Variants in WARS2 observed in about 807,000 individuals in gnomAD.
WARS2 encodes tryptophanyl tRNA synthetase 2, mitochondrial.
In WARS2, 28 loss-of-function variants were observed where a neutral mutation model predicts 36.5. The observed-to-expected ratio is 0.77, with a 90% CI of 0.57 to 1.05. WARS2 has a LOEUF of 1.05. Ranked by LOEUF, WARS2 falls within the 50% of genes least tolerant of loss-of-function variation. The pLI is 0.00. For synonymous variants in WARS2, 174 were observed against 178.4 expected (o/e 0.98, Z 0.20); for missense variants, 435 against 456.8 (o/e 0.95, Z 0.44).
rs370196482 is a variant in WARS2, at chr1:119,033,146, G to A, written c.848C>T (p.Thr283Met). 9.9e-6 allele frequency: 16 copies of A among 1,613,976 alleles called. No homozygotes were observed. The highest frequency in any genetic ancestry group is 1.7e-5 in the Admixed American group (1 of 60,012). ...CACCACTTCCTCCACGGAGAGCCCC[G>A]TCACCGCGGCATGCACCGCCACTAT... is the stretch of plus-strand genomic sequence containing the variant. ...SNIVAVHAAVTGLSVEEVVRR... is the reference protein window; with the variant it reads ...SNIVAVHAAVMGLSVEEVVRR... The change falls in exon 6 of 6, where the codon ACG becomes ATG. Residue 283 changes from threonine (T) to methionine (M), a missense_variant. Thr to Met is a moderately conservative substitution (Grantham distance 81). Transcript: ENST00000235521.
chr1:119,106,899 T>C (rs587716255), intron 1 of WARS2, among the ~76,000 whole-genome samples: 1 of 152,324 alleles, frequency 6.6e-6, no homozygotes, highest in South Asian at 2.1e-4. Context: ...TCTTCCAAGG[T>C]GTCTGTACTA....
rs34605879 is a variant in WARS2 at position 119,068,854 on chromosome 1, T to TAC, written c.348+7494_348+7495dup. Among the ~76,000 whole-genome samples, 875 of 148,808 alleles carry TAC rather than the reference T, an allele frequency of 5.9e-3. 6 individuals are homozygous for TAC. The highest frequency in any genetic ancestry group is 0.021 in the Middle Eastern group (6 of 288). On this transcript the variant is annotated intron_variant, in intron 2 of 5. Coordinates refer to ENST00000235521, the MANE Select transcript of WARS2 (RefSeq NM_015836.4). The stretch of plus-strand genomic sequence containing the variant: ...TCTCTCTCTCTCACACACACACACA[T>TAC]ACACACACACACACACACACACCTT...
At chr1:119,093,163 T>C (rs587758929) in intron 1 of WARS2, among the ~76,000 whole-genome samples, 1 of 152,234 alleles carries the variant, frequency 6.6e-6, no homozygotes, top group East Asian at 1.9e-4. Context: ...ATTAAGCAAG[T>C]GAGAAGTCTT....
intron 1 of WARS2, among the ~76,000 whole-genome samples, chr1:119,139,452 C>T (rs1054910825): frequency 6.6e-6 from 1 of 152,110 alleles, no homozygotes; most frequent in Non-Finnish European, 1.5e-5. Context: ...TATAGATTTT[C>T]CAGAGGTTGA....
chr1:119,090,534 T>C (rs1165557520), intron 1 of WARS2, among the ~76,000 whole-genome samples: 1 of 152,170 alleles, frequency 6.6e-6, no homozygotes, highest in African/African-American at 2.4e-5. Context: ...TTGTATTGTT[T>C]AACTTTTTAA....
At chr1:119,137,699 T>C (rs1259196542) in intron 1 of WARS2, among the ~76,000 whole-genome samples, 1 of 152,196 alleles carries the variant, frequency 6.6e-6, no homozygotes, top group East Asian at 1.9e-4. Flanking sequence ...ACTACGCTCA[T>C]CTTGTCAGAT....
At chr1:119,135,311 C>T (rs1571412181) in intron 1 of WARS2, among the ~76,000 whole-genome samples, 3 of 152,036 alleles carry the variant, frequency 2.0e-5, no homozygotes, top group South Asian at 4.2e-4. Flanking sequence ...TGGAGTGGGG[C>T]GGGTAATGGG....
chr1:119,032,597 C>T lies in WARS2; in HGVS notation c.*314G>A, dbSNP rs574226829. The T allele has an allele frequency of 2.3e-5, 8 of 348,964 alleles. No individual in the cohort carries two copies. Among genetic ancestry groups the T allele is most frequent in the Non-Finnish European group, 4.2e-5 (8 of 191,350 alleles). The allele number at this position is 348,964 out of a possible 1,614,324, so 21.6% of individuals were successfully genotyped here. On this transcript the variant is annotated 3_prime_UTR_variant, in exon 6 of 6. Coordinates refer to ENST00000235521, the MANE Select transcript of WARS2 (RefSeq NM_015836.4). ...TCCAGAGAGAAGCACAAATGATACT[C>T]CATTTCCCAAATTACTCCTTACTTC... is the stretch of plus-strand genomic sequence containing the variant.
chr1:119,081,169 G>C (rs1652165410), intron 1 of WARS2, among the ~76,000 whole-genome samples: 1 of 152,194 alleles, frequency 6.6e-6, no homozygotes, highest in Non-Finnish European at 1.5e-5. Flanking sequence ...AGACATAGCT[G>C]AAACTATTCC....
intron 2 of WARS2, among the ~76,000 whole-genome samples, chr1:119,072,509 T>TA (rs1369865189): frequency 1.3e-5 from 2 of 152,008 alleles, no homozygotes; most frequent in African/African-American, 2.4e-5. Context: ...AGTAGAAGCA[T>TA]AAAAAATCAA....
chr1:119,116,811 T>TG (rs1248878462), intron 1 of WARS2, among the ~76,000 whole-genome samples: 1 of 152,182 alleles, frequency 6.6e-6, no homozygotes, highest in Non-Finnish European at 1.5e-5. Flanking sequence ...CCAGTGGAAC[T>TG]GGGGAGAGGC....
At position 119,133,264 on chromosome 1, in the gene WARS2, CAA is replaced by C. The variant is rs1432779991; in HGVS notation, c.90+7289_90+7290del. 1.1e-4 allele frequency among the ~76,000 whole-genome samples: 16 copies of C among 152,278 alleles called. No homozygotes were observed. The South Asian group carries it at 3.1e-3, about 30-fold the overall frequency. On this transcript the variant is annotated intron_variant, in intron 1 of 5. Transcript: ENST00000235521. ...CTTCCTCATAATTCATTGAGCGAAACAAGACTGTAAGAATAGCAACAACAAAG... is the reference window on the plus strand; with the variant it reads ...CTTCCTCATAATTCATTGAGCGAAACGACTGTAAGAATAGCAACAACAAAG...
intron 1 of WARS2, chr1:119,085,260 TC>T (rs1181812921): frequency 1.1e-6 from 1 of 921,352 alleles, no homozygotes; most frequent in East Asian, 2.4e-5. Flanking sequence ...CTCTCGGTTC[TC>T]TGCCCAACCA....
At chr1:119,089,271 T>C (rs1652879805) in intron 1 of WARS2, among the ~76,000 whole-genome samples, 1 of 152,182 alleles carries the variant, frequency 6.6e-6, no homozygotes, top group Non-Finnish European at 1.5e-5. Context: ...ATGGCTCCCT[T>C]TCTCATCCAA....
chr1:119,075,790 T>C (rs1200772149), intron 2 of WARS2, among the ~76,000 whole-genome samples: 1 of 152,218 alleles, frequency 6.6e-6, no homozygotes, highest in Non-Finnish European at 1.5e-5. Context: ...ATGAGTCAAA[T>C]ATTTTGGCTT....
At chr1:119,050,029 C>T (rs1032508318) in intron 2 of WARS2, among the ~76,000 whole-genome samples, 3 of 152,154 alleles carry the variant, frequency 2.0e-5, no homozygotes, top group South Asian at 4.1e-4. Context: ...ATTTTTTCAG[C>T]GTAAAAGCCA....
intron 2 of WARS2, among the ~76,000 whole-genome samples, chr1:119,051,538 C>T (rs1649353126): frequency 6.6e-6 from 1 of 151,996 alleles, no homozygotes; most frequent in Admixed American, 6.6e-5. Flanking sequence ...GATTTACATT[C>T]CTTTGGGTAT....
intron 1 of WARS2, 149 bp from the exon 2 acceptor site, chr1:119,076,756 T>C: frequency 8.2e-7 from 1 of 1,213,062 alleles, no homozygotes; most frequent in South Asian, 1.5e-5. Flanking sequence ...GCCTACACTG[T>C]AAATCACTAT....
At chr1:119,073,651 C>G (rs954195960) in intron 2 of WARS2, among the ~76,000 whole-genome samples, 1 of 152,160 alleles carries the variant, frequency 6.6e-6, no homozygotes, top group Non-Finnish European at 1.5e-5. Flanking sequence ...CTGACCTAGA[C>G]CCAATGAGCT....
Sources: allele counts gnomAD v4.1 joint callset (sites outside exome capture counted in the v4.1 genomes callset), GRCh38; gene constraint gnomAD v4.1.1; transcripts MANE v1.5; gene names NCBI Gene and HGNC (gene_info 2026-07-23, HGNC 2026-07-21).